Variants in NCKAP5 observed in about 807,000 individuals in gnomAD.
NCKAP5 encodes NCK associated protein 5.
In NCKAP5, 92 loss-of-function variants were observed where a neutral mutation model predicts 167.0. That is an observed-to-expected ratio of 0.55 (90% confidence interval 0.47 to 0.66). The LOEUF (loss-of-function observed/expected upper bound fraction) is 0.66, where lower values mean the gene tolerates loss of function less well. Ranked by LOEUF, NCKAP5 falls within the 30% of genes least tolerant of loss-of-function variation. The probability of loss-of-function intolerance (pLI) is 0.00; values close to 1 mark genes in which losing one functional copy is unlikely to be tolerated. For synonymous variants in NCKAP5, 891 were observed against 877.4 expected (o/e 1.02, Z -0.27); for missense variants, 2,378 against 2,315.0 (o/e 1.03, Z -0.56).
At chr2:132,829,476 A>ATAAT (rs1208345967) in intron 11 of NCKAP5, among the ~76,000 whole-genome samples, 1 of 152,220 alleles carries the variant, frequency 6.6e-6, no homozygotes, top group African/African-American at 2.4e-5. Flanking sequence ...TTATTGAAAT[A>ATAAT]CAGTCACACT....
At chr2:133,153,288 T>C (rs59500613) in intron 5 of NCKAP5, among the ~76,000 whole-genome samples, 4,608 of 152,238 alleles carry the variant, frequency 0.03, 214 homozygotes, top group African/African-American at 0.1. Flanking sequence ...TAGAGTTTAG[T>C]CAATAATAGT....
intron 19 of NCKAP5, among the ~76,000 whole-genome samples, chr2:132,695,975 C>G (rs146190260): frequency 6.6e-6 from 1 of 152,188 alleles, no homozygotes; most frequent in Non-Finnish European, 1.5e-5. Context: ...CCTACACTAG[C>G]AGTTAACTTT....
chr2:132,834,766 T>C (rs1006387231), intron 11 of NCKAP5, among the ~76,000 whole-genome samples: 17 of 152,186 alleles, frequency 1.1e-4, no homozygotes, highest in Non-Finnish European at 2.1e-4. Flanking sequence ...GGGATTACTA[T>C]AGATGTGAAC....
chr2:133,397,838 G>A (rs1238723449), intron 3 of NCKAP5, among the ~76,000 whole-genome samples: 1 of 152,208 alleles, frequency 6.6e-6, no homozygotes, highest in Non-Finnish European at 1.5e-5. Flanking sequence ...CCTTGCAGCT[G>A]ATAAATCTGA....
intron 3 of NCKAP5, among the ~76,000 whole-genome samples, chr2:133,387,986 G>T (rs749915711): frequency 6.6e-6 from 1 of 152,102 alleles, no homozygotes; most frequent in Non-Finnish European, 1.5e-5. Flanking sequence ...CGATGGGTTC[G>T]ATCTTCCTCC....
chr2:133,124,864 A>G (rs1235683882), intron 6 of NCKAP5, among the ~76,000 whole-genome samples: 1 of 152,112 alleles, frequency 6.6e-6, no homozygotes, highest in African/African-American at 2.4e-5. Context: ...CCTGGGCAAC[A>G]TGGTAAAACT....
chr2:132,768,939 CTT>C (rs1226877275), intron 16 of NCKAP5, among the ~76,000 whole-genome samples: 26 of 116,282 alleles, frequency 2.2e-4, no homozygotes, highest in African/African-American at 4.5e-4. Flanking sequence ...ACACCTGGCC[CTT>C]TTTTTTTTTT....
intron 3 of NCKAP5, among the ~76,000 whole-genome samples, chr2:133,369,589 A>C (rs547986302): frequency 1.5e-4 from 23 of 152,350 alleles, no homozygotes; most frequent in African/African-American, 5.5e-4. Flanking sequence ...CTGATGCATC[A>C]GCCATGCTCC....
At chr2:133,304,569 C>A (rs1272444123) in intron 3 of NCKAP5, among the ~76,000 whole-genome samples, 6 of 152,202 alleles carry the variant, frequency 3.9e-5, no homozygotes, top group Non-Finnish European at 7.3e-5. Context: ...CTGTCCTGAT[C>A]AAGGCTAAAC....
chr2:132,841,532 C>T (rs1688297062), intron 11 of NCKAP5, among the ~76,000 whole-genome samples: 1 of 152,032 alleles, frequency 6.6e-6, no homozygotes, highest in African/African-American at 2.4e-5. Context: ...CGTCTTATTA[C>T]CTTTACTAGA....
At chr2:133,070,085 C>T (rs906139166) in intron 6 of NCKAP5, among the ~76,000 whole-genome samples, 19 of 152,092 alleles carry the variant, frequency 1.2e-4, no homozygotes, top group Non-Finnish European at 1.2e-4. Flanking sequence ...ACTTGGCAAA[C>T]TCTGGAACTG....
chr2:133,297,769 G>A (rs1680071643), intron 4 of NCKAP5, among the ~76,000 whole-genome samples: 1 of 152,144 alleles, frequency 6.6e-6, no homozygotes, highest in Admixed American at 6.5e-5. Flanking sequence ...AGATCTAGAT[G>A]TTCAGAACTT....
intron 4 of NCKAP5, among the ~76,000 whole-genome samples, chr2:133,269,711 T>C (rs1445424377): frequency 3.9e-5 from 6 of 152,140 alleles, no homozygotes; most frequent in Non-Finnish European, 8.8e-5. Flanking sequence ...AGTGACATGA[T>C]CATCTGACTT....
the NCKAP5 span, among the ~76,000 whole-genome samples, chr2:133,614,812 C>T: frequency 6.6e-6 from 1 of 151,474 alleles, no homozygotes; most frequent in Admixed American, 6.6e-5. Context: ...CACAAAGATA[C>T]TCCTCGAGAA....
At chr2:133,638,364 AAGAGAT>A in the NCKAP5 span, among the ~76,000 whole-genome samples, 2 of 152,220 alleles carry the variant, frequency 1.3e-5, no homozygotes, top group Non-Finnish European at 2.9e-5. Flanking sequence ...TTCACCAGGG[AAGAGAT>A]AGTCATTAAA....
chr2:132,983,488 C>G (rs574884583), intron 7 of NCKAP5, among the ~76,000 whole-genome samples: 1 of 152,152 alleles, frequency 6.6e-6, no homozygotes, highest in Admixed American at 6.5e-5. Context: ...TCCTTCAATG[C>G]CTAGTTTATT....
chr2:133,196,951 T>A (rs1252805012), intron 5 of NCKAP5, among the ~76,000 whole-genome samples: 4 of 152,204 alleles, frequency 2.6e-5, no homozygotes, highest in Non-Finnish European at 4.4e-5. Context: ...CCTTGTTCCT[T>A]CCCAGAGGAG....
At chr2:133,638,209 G>A in the NCKAP5 span, among the ~76,000 whole-genome samples, 1 of 152,096 alleles carries the variant, frequency 6.6e-6, no homozygotes, top group Non-Finnish European at 1.5e-5. Context: ...TGAAAAAATT[G>A]GTAAGCAAAG....
chr2:133,153,885 G>T (rs1440154383), intron 5 of NCKAP5, among the ~76,000 whole-genome samples: 1 of 143,198 alleles, frequency 7.0e-6, no homozygotes, highest in Non-Finnish European at 1.5e-5. Flanking sequence ...GTCCAGGCTG[G>T]AGCGTAACGG....
Sources: allele counts gnomAD v4.1 joint callset (sites outside exome capture counted in the v4.1 genomes callset), GRCh38; gene constraint gnomAD v4.1.1; transcripts MANE v1.5; gene names NCBI Gene and HGNC (gene_info 2026-07-23, HGNC 2026-07-21).